ARFGEF1: variants seen among roughly 807,000 people sequenced by gnomAD.
ARFGEF1 encodes ARF guanine nucleotide exchange factor 1, also known as brefeldin A-inhibited guanine nucleotide-exchange protein 1.
ARFGEF1 carries 42 observed loss-of-function variants against 231.0 expected under a neutral mutation model. That is an observed-to-expected ratio of 0.18 (90% CI 0.14 to 0.24). ARFGEF1 has a LOEUF of 0.24. ARFGEF1 is among the 10% of genes least tolerant of loss of function. ARFGEF1 has a pLI of 1.00. For missense variants in ARFGEF1, 1,345 were observed against 2,192.0 expected, an observed-to-expected ratio of 0.61 and a Z score of 7.72; for synonymous variants, 710 against 732.3, an observed-to-expected ratio of 0.97 and a Z score of 0.49.
chr8:67,247,100 C>T (rs980815522), intron 19 of ARFGEF1, among the ~76,000 whole-genome samples: 2 of 150,192 alleles, frequency 1.3e-5, no homozygotes, highest in Admixed American at 6.6e-5. Context: ...AAAGCCATAA[C>T]AAAAAGTCTC....
chr8:67,252,843 C>G (rs1840340634), intron 18 of ARFGEF1, among the ~76,000 whole-genome samples: 1 of 152,124 alleles, frequency 6.6e-6, no homozygotes, highest in African/African-American at 2.4e-5. Flanking sequence ...CCTAAACCTC[C>G]CCACCTCCTC....
At chr8:67,291,257 A>C (rs1318266955) in intron 6 of ARFGEF1, among the ~76,000 whole-genome samples, 1 of 152,076 alleles carries the variant, frequency 6.6e-6, no homozygotes, top group Non-Finnish European at 1.5e-5. Flanking sequence ...TTTGTAAAAT[A>C]AATATAATTT....
At chr8:67,191,805 A>G (rs766900490) in intron 5 of ARFGEF1, among the ~76,000 whole-genome samples, 1 of 152,176 alleles carries the variant, frequency 6.6e-6, no homozygotes, top group Non-Finnish European at 1.5e-5. Context: ...GACACTTTGT[A>G]TTTAGCATTT....
chr8:67,202,964 G>T, intron 36 of ARFGEF1, 119 bp downstream of exon 36: 1 of 1,035,584 alleles, frequency 9.7e-7, no homozygotes, highest in East Asian at 2.6e-5. Context: ...GTTAAGGTCA[G>T]AGTACATATA....
intron 1 of ARFGEF1, among the ~76,000 whole-genome samples, chr8:67,307,699 T>C (rs892999987): frequency 3.9e-5 from 6 of 152,326 alleles, no homozygotes; most frequent in Admixed American, 1.3e-4. Flanking sequence ...TCAAGATTTA[T>C]GAATTTGAAA....
chr8:67,250,524 C>T (rs986796611), intron 19 of ARFGEF1, among the ~76,000 whole-genome samples: 1 of 152,124 alleles, frequency 6.6e-6, no homozygotes, highest in African/African-American at 2.4e-5. Flanking sequence ...GGAGTAATTA[C>T]AAAATTTTGG....
At chr8:67,275,641 T>C (rs1288441632) in intron 9 of ARFGEF1, among the ~76,000 whole-genome samples, 1 of 152,154 alleles carries the variant, frequency 6.6e-6, no homozygotes, top group Non-Finnish European at 1.5e-5. Context: ...TAATACTTAT[T>C]GAGCCCCTCC....
intron 9 of ARFGEF1, among the ~76,000 whole-genome samples, chr8:67,272,872 C>G (rs1805154750): frequency 6.6e-6 from 1 of 152,084 alleles, no homozygotes; most frequent in Non-Finnish European, 1.5e-5. Context: ...CTTTGAGAGG[C>G]TGAGGCAGGT....
intron 22 of ARFGEF1, among the ~76,000 whole-genome samples, chr8:67,237,913 A>T (rs1839819063): frequency 6.6e-6 from 1 of 152,094 alleles, no homozygotes; most frequent in African/African-American, 2.4e-5. Context: ...TTAAATGTGG[A>T]AGTTCCTGGT....
At chr8:67,288,207 A>T in intron 6 of ARFGEF1, 142 bp from the exon 7 acceptor site, 2 of 501,454 alleles carry the variant, frequency 4.0e-6, no homozygotes, top group Non-Finnish European at 6.9e-6. Flanking sequence ...AGAAGCAATT[A>T]TATGCTAAAC....
chr8:67,275,941 C>T (rs766282338), intron 9 of ARFGEF1, 35 bp downstream of exon 9: 1 of 1,610,104 alleles, frequency 6.2e-7, no homozygotes, highest in Non-Finnish European at 8.5e-7. Context: ...AGCCTAAAAA[C>T]CTCTATTTGT....
chr8:67,201,330 T>G (rs1838320469), intron 37 of ARFGEF1, 137 bp downstream of exon 37: 1 of 1,127,902 alleles, frequency 8.9e-7, no homozygotes, highest in South Asian at 1.8e-5. Flanking sequence ...CTGAATTTAA[T>G]TTTTACAACT....
intron 15 of ARFGEF1, among the ~76,000 whole-genome samples, 191 bp from the exon 16 acceptor site, chr8:67,258,481 C>A (rs147610920): frequency 6.6e-6 from 1 of 152,100 alleles, no homozygotes; most frequent in South Asian, 2.1e-4. Context: ...CCTGCTACTG[C>A]GCCCAGCTAA....
intron 5 of ARFGEF1, among the ~76,000 whole-genome samples, chr8:67,184,036 A>G (rs528215750): frequency 2.0e-5 from 3 of 152,140 alleles, no homozygotes; most frequent in Admixed American, 6.5e-5. Flanking sequence ...TATTTTTAGT[A>G]GAGACGGGGT....
At chr8:67,206,424 A>AG (rs1174100316) in intron 34 of ARFGEF1, among the ~76,000 whole-genome samples, 1 of 151,526 alleles carries the variant, frequency 6.6e-6, no homozygotes, top group East Asian at 1.9e-4. Flanking sequence ...AAAAAAAAAA[A>AG]AAAAAAAAAA....
At chr8:67,261,239 GGAA>G in intron 14 of ARFGEF1, among the ~76,000 whole-genome samples, 1 of 152,314 alleles carries the variant, frequency 6.6e-6, no homozygotes, top group East Asian at 1.9e-4. Context: ...TTCTTCTACT[GGAA>G]GAAGATGCCA....
chr8:67,203,843 G>A (rs879281499), intron 35 of ARFGEF1, among the ~76,000 whole-genome samples: 1 of 152,110 alleles, frequency 6.6e-6, no homozygotes, highest in Non-Finnish European at 1.5e-5. Context: ...TACCCCAAAC[G>A]TACCAGACTT....
intron 17 of ARFGEF1, among the ~76,000 whole-genome samples, chr8:67,257,002 A>G (rs564678505): frequency 6.6e-6 from 1 of 152,322 alleles, no homozygotes; most frequent in Non-Finnish European, 1.5e-5. Flanking sequence ...AAGACCGGCC[A>G]TAAGTTGATA....
intron 17 of ARFGEF1, among the ~76,000 whole-genome samples, chr8:67,254,668 A>T (rs1024690635): frequency 1.3e-5 from 2 of 152,176 alleles, no homozygotes; most frequent in Non-Finnish European, 1.5e-5. Flanking sequence ...TCAAACAAAA[A>T]CAAAAGTACA....
Sources: gnomAD v4.1 joint callset for allele counts (sites outside exome capture counted in the v4.1 genomes callset) on GRCh38, gnomAD v4.1.1 for gene constraint, MANE v1.5 for transcripts, NCBI Gene and HGNC (gene_info 2026-07-23, HGNC 2026-07-21) for gene names.